Variants in FBXO4 observed in about 807,000 individuals in gnomAD.
FBXO4 encodes the protein F-box protein 4.
In FBXO4, 36 loss-of-function variants were observed where a neutral mutation model predicts 43.7. The ratio of observed to expected loss-of-function variants is 0.82; its 90% CI spans 0.63 to 1.09. The LOEUF is 1.09. Among genes scored for constraint, FBXO4 ranks in the 50% least tolerant of loss-of-function variants. The pLI is 0.00. For synonymous variants in FBXO4, 180 were observed against 165.6 expected, an observed-to-expected ratio of 1.09 and a Z score of -0.67; for missense variants, 435 against 474.1, an observed-to-expected ratio of 0.92 and a Z score of 0.77.
the FBXO4 span, among the ~76,000 whole-genome samples, chr5:42,029,641 TTA>T: frequency 2.0e-5 from 3 of 152,104 alleles, no homozygotes; most frequent in African/African-American, 7.2e-5. Context: ...ATTTATTTTT[TTA>T]TTTTTTCTTT....
chr5:41,952,477 G>A, the FBXO4 span, among the ~76,000 whole-genome samples: 13 of 152,084 alleles, frequency 8.5e-5, no homozygotes, highest in Non-Finnish European at 1.6e-4. Context: ...GTATAACCCA[G>A]TGATTAATAT....
chr5:41,981,395 G>T, the FBXO4 span, among the ~76,000 whole-genome samples: 1 of 149,652 alleles, frequency 6.7e-6, no homozygotes. Context: ...TTTTTTAAAT[G>T]GTAAATTAAA....
chr5:41,934,593 C>G (rs1416396681), intron 5 of FBXO4: 1 of 1,312,512 alleles, frequency 7.6e-7, no homozygotes, highest in East Asian at 3.2e-5. Flanking sequence ...TCCAAGCACC[C>G]AGGGAATTCT....
chr5:41,967,381 T>G, the FBXO4 span: 1 of 508,636 alleles, frequency 2.0e-6, no homozygotes, highest in South Asian at 1.7e-5. Context: ...ACATCAATGC[T>G]ATTGCTTCTC....
At chr5:41,925,867 T>TCCAGCGTCCCTGTTC (rs1261033986) in intron 1 of FBXO4, among the ~76,000 whole-genome samples, 3 of 152,166 alleles carry the variant, frequency 2.0e-5, no homozygotes, top group African/African-American at 7.2e-5. Context: ...GGGAAAGCAT[T>TCCAGCGTCCCTGTTC]CCAGCGTCCC....
the FBXO4 span, among the ~76,000 whole-genome samples, chr5:41,982,120 A>G: frequency 4.6e-5 from 7 of 152,086 alleles, no homozygotes; most frequent in Admixed American, 1.3e-4. Flanking sequence ...TGGTGTATAT[A>G]TGCCACATTT....
chr5:41,986,239 T>C, the FBXO4 span, among the ~76,000 whole-genome samples: 1 of 152,100 alleles, frequency 6.6e-6, no homozygotes, highest in Non-Finnish European at 1.5e-5. Context: ...AAAATTTTTT[T>C]CTGGTCCTAC....
At chr5:41,961,561 T>C in the FBXO4 span, among the ~76,000 whole-genome samples, 1 of 152,182 alleles carries the variant, frequency 6.6e-6, no homozygotes, top group South Asian at 2.1e-4. Context: ...GCAGCAGCCA[T>C]AGAGTTAAGC....
chr5:41,947,649 G>A, the FBXO4 span, among the ~76,000 whole-genome samples: 891 of 152,324 alleles, frequency 5.8e-3, 2 homozygotes, highest in Non-Finnish European at 0.01. Context: ...ATTAATGGGA[G>A]GAGGCAGGAA....
chr5:41,995,047 G>C, the FBXO4 span, among the ~76,000 whole-genome samples: 1 of 152,152 alleles, frequency 6.6e-6, no homozygotes, highest in Non-Finnish European at 1.5e-5. Flanking sequence ...CCTAGTTGGC[G>C]TTGTAATTGT....
the FBXO4 span, among the ~76,000 whole-genome samples, chr5:41,993,097 C>T: frequency 1.2e-4 from 18 of 152,122 alleles, 1 homozygote; most frequent in African/African-American, 1.2e-4. Flanking sequence ...CATTAGTTTT[C>T]GTGACCACAG....
chr5:42,015,374 T>G, the FBXO4 span, among the ~76,000 whole-genome samples: 1 of 152,192 alleles, frequency 6.6e-6, no homozygotes, highest in Non-Finnish European at 1.5e-5. Context: ...GGAAGTTAAT[T>G]CAGGGAGGAG....
chr5:41,984,801 C>G, the FBXO4 span, among the ~76,000 whole-genome samples: 1 of 152,052 alleles, frequency 6.6e-6, no homozygotes, highest in Non-Finnish European at 1.5e-5. Context: ...GTGAGCCACC[C>G]TGCCCAGCCT....
chr5:42,034,125 C>CT, the FBXO4 span, among the ~76,000 whole-genome samples: 11,836 of 150,950 alleles, frequency 0.078, 570 homozygotes, highest in African/African-American at 0.13. Flanking sequence ...TGATGTTAAG[C>CT]TTTTTTTTTC....
At chr5:41,944,727 C>G (rs1450710790), downstream of FBXO4, among the ~76,000 whole-genome samples, 2 of 152,104 alleles carry the variant, frequency 1.3e-5, no homozygotes, top group Non-Finnish European at 2.9e-5. Context: ...TCAGGATAAC[C>G]AAAACAACAG....
the FBXO4 span, among the ~76,000 whole-genome samples, chr5:42,000,110 A>G: frequency 2.6e-5 from 4 of 152,190 alleles, no homozygotes; most frequent in Non-Finnish European, 5.9e-5. Context: ...CATTTAGCAA[A>G]ATGTCTCTAG....
chr5:42,013,624 T>C, the FBXO4 span, among the ~76,000 whole-genome samples: 1 of 152,146 alleles, frequency 6.6e-6, no homozygotes, highest in East Asian at 1.9e-4. Flanking sequence ...ATTTCTCCAA[T>C]CCAATCATCC....
At chr5:41,930,997 G>A (rs1751672608) in intron 3 of FBXO4, among the ~76,000 whole-genome samples, 1 of 152,230 alleles carries the variant, frequency 6.6e-6, no homozygotes, top group Non-Finnish European at 1.5e-5. Context: ...GGATGTAGAG[G>A]ACACATTTGA....
chr5:42,019,761 C>T, the FBXO4 span, among the ~76,000 whole-genome samples: 1 of 151,204 alleles, frequency 6.6e-6, no homozygotes, highest in Non-Finnish European at 1.5e-5. Flanking sequence ...ATTACATTTC[C>T]ATTAATTAAA....
Sources: allele counts gnomAD v4.1 joint callset (sites outside exome capture counted in the v4.1 genomes callset), GRCh38; gene constraint gnomAD v4.1.1; transcripts MANE v1.5; gene names NCBI Gene and HGNC (gene_info 2026-07-23, HGNC 2026-07-21).